The following MRAP variants were observed in gnomAD, a reference collection of about 807,000 sequenced individuals.
MRAP encodes the protein melanocortin-2 receptor accessory protein.
A neutral mutation model predicts 8.7 loss-of-function variants in MRAP; 8 were observed. That is an observed-to-expected ratio of 0.92 (90% confidence interval 0.54 to 1.66). The LOEUF (loss-of-function observed/expected upper bound fraction) is 1.66. Among genes scored for constraint, MRAP ranks in the 40% most tolerant of loss-of-function variants. MRAP has a pLI of 0.00. For missense variants in MRAP, 237 were observed against 217.1 expected (o/e 1.09, Z -0.58); for synonymous variants, 95 against 95.5 (o/e 1.00, Z 0.03).
chr21:32,303,921 C>T (rs1175343778), intron 1 of MRAP, among the ~76,000 whole-genome samples: 3 of 152,142 alleles, frequency 2.0e-5, no homozygotes, highest in Non-Finnish European at 4.4e-5. Flanking sequence ...TCTGACAAAA[C>T]TTAAACTCCA....
intron 1 of MRAP, among the ~76,000 whole-genome samples, chr21:32,304,520 C>T (rs950206815): frequency 3.3e-5 from 5 of 151,842 alleles, no homozygotes; most frequent in African/African-American, 1.2e-4. Flanking sequence ...GAGGCTGAGG[C>T]GGGAGAACGA....
downstream of MRAP, chr21:32,314,396 G>A: frequency 3.1e-6 from 2 of 641,480 alleles, no homozygotes; most frequent in Non-Finnish European, 2.9e-6. Context: ...TGTTGGGAAG[G>A]CTGGTTTCGA....
intron 2 of MRAP, among the ~76,000 whole-genome samples, chr21:32,308,081 C>A (rs555925407): frequency 6.6e-6 from 1 of 152,210 alleles, no homozygotes; most frequent in African/African-American, 2.4e-5. Context: ...AACATAAGAA[C>A]CTTACCTTTG....
Position 32,299,010 on chromosome 21 carries a change from C to T in MRAP, c.39C>T (p.Ser13=), listed in dbSNP as rs1293876075. ...NGTNASAPYY[S]YEYYLDYLDL... Reference sequence around the variant, plus strand: ...CCAACGCCTCTGCCCCATACTACAGCTATGAATACTACCTGGACTATCTGG... The same window carrying T: ...CCAACGCCTCTGCCCCATACTACAGTTATGAATACTACCTGGACTATCTGG... Residue 13 remains serine (S), a synonymous_variant, in exon 1 of 3, where the codon AGC becomes AGT. Coordinates refer to ENST00000303645, the MANE Select transcript of MRAP (RefSeq NM_001379228.1). The T allele has an allele frequency of 6.2e-7, 1 of 1,614,208 alleles. No homozygotes were observed. The highest frequency in any genetic ancestry group is 1.7e-5 in the Admixed American group (1 of 60,024).
At chr21:32,297,235 G>A (rs1161350292), upstream of MRAP, among the ~76,000 whole-genome samples, 3 of 152,206 alleles carry the variant, frequency 2.0e-5, no homozygotes, top group Non-Finnish European at 4.4e-5. Context: ...GGGGCTAGTT[G>A]TCAGAGGAAC....
At chr21:32,299,819 A>C (rs760634936) in intron 1 of MRAP, among the ~76,000 whole-genome samples, 1 of 152,182 alleles carries the variant, frequency 6.6e-6, no homozygotes, top group African/African-American at 2.4e-5. Context: ...TTTAATCTTC[A>C]TAGTCTCAGC....
chr21:32,293,843 C>A (rs147328109), intron 2 of MRAP, among the ~76,000 whole-genome samples: 1 of 151,512 alleles, frequency 6.6e-6, no homozygotes, highest in East Asian at 1.9e-4. Context: ...TCACTTCTTA[C>A]TAATGTCAAA....
At chr21:32,314,324 A>G (rs2032643114), downstream of MRAP, 1 of 440,718 alleles carries the variant, frequency 2.3e-6, no homozygotes, top group South Asian at 2.1e-5. Flanking sequence ...AGCTGGAATT[A>G]CAGGTGTGCG....
chr21:32,294,193 C>T (rs2032099607), upstream of MRAP, among the ~76,000 whole-genome samples: 1 of 152,216 alleles, frequency 6.6e-6, no homozygotes. Flanking sequence ...CGGCTCACTG[C>T]AAGCTCCACC....
chr21:32,298,456 T>G (rs527635189), upstream of MRAP, among the ~76,000 whole-genome samples: 234 of 152,326 alleles, frequency 1.5e-3, 1 homozygote, highest in African/African-American at 5.5e-3. Flanking sequence ...ATTTCTGCCC[T>G]CAGATATTGA....
chr21:32,304,669 CCAAA>C (rs1258921446), intron 1 of MRAP, among the ~76,000 whole-genome samples: 2,718 of 137,902 alleles, frequency 0.02, 81 homozygotes, highest in African/African-American at 0.067. Flanking sequence ...ACAAAACAAA[CCAAA>C]AAAACTCCTT....
At chr21:32,314,228 A>G, downstream of MRAP, 1 of 284,792 alleles carries the variant, frequency 3.5e-6, no homozygotes. Context: ...TCTGTCACCT[A>G]GGCTGGAGCG....
chr21:32,300,886 T>C (rs2032275970), intron 1 of MRAP, among the ~76,000 whole-genome samples: 1 of 151,648 alleles, frequency 6.6e-6, no homozygotes, highest in Non-Finnish European at 1.5e-5. Flanking sequence ...TCGGGTGTCA[T>C]GCATCCTATG....
chr21:32,295,517 A>G (rs752757215), upstream of MRAP, among the ~76,000 whole-genome samples: 1 of 152,150 alleles, frequency 6.6e-6, no homozygotes, highest in Non-Finnish European at 1.5e-5. Flanking sequence ...CTTTAGAGAG[A>G]TAGTTAACAA....
At chr21:32,300,205 A>C (rs1347206430) in intron 1 of MRAP, among the ~76,000 whole-genome samples, 1 of 152,190 alleles carries the variant, frequency 6.6e-6, no homozygotes, top group African/African-American at 2.4e-5. Context: ...TGGGCAACAC[A>C]GTGAGATCCC....
chr21:32,303,808 A>G (rs555235499), intron 1 of MRAP, among the ~76,000 whole-genome samples: 155 of 152,384 alleles, frequency 1.0e-3, no homozygotes, highest in Non-Finnish European at 1.7e-3. Context: ...TTCAGAAGGA[A>G]GAGGAAAAAG....
At chr21:32,298,832 G>A (rs2032191050), upstream of MRAP, 2 of 690,450 alleles carry the variant, frequency 2.9e-6, no homozygotes. Flanking sequence ...TGATAAGTGG[G>A]CAGACCTTGA....
At chr21:32,310,189 G>T (rs1358893088) in intron 2 of MRAP, among the ~76,000 whole-genome samples, 1 of 152,168 alleles carries the variant, frequency 6.6e-6, no homozygotes, top group Non-Finnish European at 1.5e-5. Context: ...GCAAACTGAT[G>T]ACACTATACA....
downstream of MRAP, chr21:32,314,721 T>C (rs2032652998): frequency 2.6e-6 from 4 of 1,528,958 alleles, no homozygotes; most frequent in Non-Finnish European, 3.6e-6. Context: ...GCTGGGCACC[T>C]ACAGGCCCGA....
Sources: gnomAD v4.1 joint callset for allele counts (sites outside exome capture counted in the v4.1 genomes callset) on GRCh38, gnomAD v4.1.1 for gene constraint, MANE v1.5 for transcripts, NCBI Gene and HGNC (gene_info 2026-07-23, HGNC 2026-07-21) for gene names.